CATSPERE: variants seen among roughly 807,000 people sequenced by gnomAD.
CATSPERE encodes cation channel sperm-associated auxiliary subunit epsilon.
CATSPERE carries 93 observed loss-of-function variants against 114.1 expected under a neutral mutation model. That is an observed-to-expected ratio of 0.81 (90% CI 0.69 to 0.97). The LOEUF (loss-of-function observed/expected upper bound fraction) is 0.97, where lower values mean the gene tolerates loss of function less well. Ranked by LOEUF, CATSPERE falls within the 50% of genes least tolerant of loss-of-function variation. The pLI, the probability that CATSPERE is intolerant of heterozygous loss-of-function variation, is 0.00. For missense variants in CATSPERE, 1,058 were observed against 1,131.6 expected, an observed-to-expected ratio of 0.93 and a Z score of 0.93; for synonymous variants, 341 against 384.1, an observed-to-expected ratio of 0.89 and a Z score of 1.31.
chr1:244,545,297 A>C (rs1162906566), intron 8 of CATSPERE, among the ~76,000 whole-genome samples: 1 of 152,192 alleles, frequency 6.6e-6, no homozygotes, highest in African/African-American at 2.4e-5. Context: ...AAAGAGGCAC[A>C]ATGCCTAATG....
chr1:244,550,430 ATGAT>A (rs1572700648), intron 8 of CATSPERE, among the ~76,000 whole-genome samples: 1 of 152,212 alleles, frequency 6.6e-6, no homozygotes, highest in Non-Finnish European at 1.5e-5. Context: ...TTGAAACAAA[ATGAT>A]TGATAAGGAA....
chr1:244,617,254 G>A (rs1473740983), intron 19 of CATSPERE, among the ~76,000 whole-genome samples: 1 of 152,070 alleles, frequency 6.6e-6, no homozygotes, highest in Non-Finnish European at 1.5e-5. Context: ...GGAACATTTT[G>A]TATTTTGTTG....
At chr1:244,528,101 C>T (rs1221006060) in intron 8 of CATSPERE, among the ~76,000 whole-genome samples, 3 of 152,218 alleles carry the variant, frequency 2.0e-5, no homozygotes, top group African/African-American at 7.2e-5. Context: ...CTGATGCTCT[C>T]CCTTTCCCCA....
chr1:244,510,401 G>T (rs199522787), intron 7 of CATSPERE, among the ~76,000 whole-genome samples: 3 of 152,142 alleles, frequency 2.0e-5, no homozygotes, highest in East Asian at 3.9e-4. Context: ...TTTCGTCCAT[G>T]TATTTTTATA....
At chr1:244,458,428 T>C (rs1464301988), upstream of CATSPERE, among the ~76,000 whole-genome samples, 1 of 151,988 alleles carries the variant, frequency 6.6e-6, no homozygotes, top group Non-Finnish European at 1.5e-5. Context: ...ACAGACATTT[T>C]GTCTTGCTTT....
intron 17 of CATSPERE, among the ~76,000 whole-genome samples, chr1:244,600,395 C>T (rs1191497303): frequency 6.8e-6 from 1 of 147,958 alleles, no homozygotes; most frequent in African/African-American, 2.5e-5. Context: ...GACTAGAAAA[C>T]TCTGCTAATG....
intron 17 of CATSPERE, among the ~76,000 whole-genome samples, chr1:244,595,724 G>T (rs900647475): frequency 6.6e-6 from 1 of 152,166 alleles, no homozygotes; most frequent in Non-Finnish European, 1.5e-5. Flanking sequence ...GAGGTCAGGA[G>T]ATCAAGACCA....
chr1:244,638,249 G>A (rs1023701044), intron 21 of CATSPERE, among the ~76,000 whole-genome samples: 7 of 152,296 alleles, frequency 4.6e-5, no homozygotes, highest in South Asian at 2.1e-4. Flanking sequence ...TCACTCTGCC[G>A]ATTAGTTCTC....
At chr1:244,514,833 A>AAC (rs1300711392) in intron 7 of CATSPERE, among the ~76,000 whole-genome samples, 4 of 148,972 alleles carry the variant, frequency 2.7e-5, no homozygotes, top group Non-Finnish European at 5.9e-5. Context: ...CATCTCAAAA[A>AAC]AAAAAAAAAA....
chr1:244,483,848 G>T (rs1035667181), intron 5 of CATSPERE, among the ~76,000 whole-genome samples: 1 of 152,016 alleles, frequency 6.6e-6, no homozygotes, highest in East Asian at 1.9e-4. Flanking sequence ...GTGGGTTTAT[G>T]CCTTTTAAAA....
intron 17 of CATSPERE, among the ~76,000 whole-genome samples, chr1:244,597,446 C>CA (rs1490276372): frequency 2.6e-5 from 4 of 151,984 alleles, no homozygotes; most frequent in African/African-American, 9.7e-5. Flanking sequence ...ATATTTTCTT[C>CA]ATCTGGCTTC....
intron 19 of CATSPERE, among the ~76,000 whole-genome samples, chr1:244,612,386 G>C (rs965423229): frequency 6.7e-6 from 1 of 149,800 alleles, no homozygotes; most frequent in African/African-American, 2.5e-5. Context: ...CTAGAAGGAT[G>C]AACGACACCT....
rs61291602 is a variant in CATSPERE, at chr1:244,557,532, CAT to C, written c.1030-3086_1030-3085del. 8.5e-3 allele frequency among the ~76,000 whole-genome samples: 342 copies of C among 40,390 alleles called. 2 individuals carry two copies. The highest frequency in any genetic ancestry group is 0.013 in the Non-Finnish European group (203 of 15,880). 26.5% of individuals were successfully genotyped at this position (40,390 alleles called of 152,430 possible). On this transcript the variant is annotated intron_variant, in intron 9 of 21. Transcript: ENST00000366534. ...TATATATAATTTTATTTGAAATATTCATATATATATATATATATATATATATA... is the reference window on the plus strand; with the variant it reads ...TATATATAATTTTATTTGAAATATTCATATATATATATATATATATATATA...
intron 2 of CATSPERE, among the ~76,000 whole-genome samples, chr1:244,474,853 C>T (rs995103658): frequency 2.0e-5 from 3 of 151,436 alleles, no homozygotes; most frequent in East Asian, 1.9e-4. Context: ...AAGCGATCCT[C>T]CCACCTCAGC....
intron 20 of CATSPERE, among the ~76,000 whole-genome samples, chr1:244,631,288 A>AC (rs1188663425): frequency 7.9e-5 from 5 of 63,098 alleles, no homozygotes; most frequent in South Asian, 6.4e-4. Flanking sequence ...CATCTCTAAA[A>AC]TAAAAAAAAG....
intron 17 of CATSPERE, among the ~76,000 whole-genome samples, chr1:244,593,913 T>C (rs1668045030): frequency 6.6e-6 from 1 of 152,198 alleles, no homozygotes; most frequent in Admixed American, 6.5e-5. Flanking sequence ...CCAGGTGATA[T>C]AACTTCTCTT....
At chr1:244,584,026 A>G in intron 13 of CATSPERE, 87 bp downstream of exon 13, 1 of 986,106 alleles carries the variant, frequency 1.0e-6, no homozygotes, top group Non-Finnish European at 1.6e-6. Context: ...ACCTCCGTAC[A>G]ATACCTCCAT....
At chr1:244,479,615 G>A (rs558322610) in intron 4 of CATSPERE, 102 bp from the exon 5 acceptor site, 4 of 547,288 alleles carry the variant, frequency 7.3e-6, no homozygotes, top group South Asian at 3.3e-5. Context: ...TCCTCTGATC[G>A]TGGATAAGTA....
rs558324080 is a variant in CATSPERE, at chr1:244,490,943, G to A, written c.351+472G>A. ...AATTTGTTATATAGTAAATACAGGTGGATCTAAACCACATAAAACAAAAGC... is the reference window on the plus strand; with the variant it reads ...AATTTGTTATATAGTAAATACAGGTAGATCTAAACCACATAAAACAAAAGC... On this transcript the variant is annotated intron_variant, in intron 6 of 21. Coordinates refer to ENST00000366534, the MANE Select transcript of CATSPERE (RefSeq NM_001130957.2). 9.2e-5 allele frequency among the ~76,000 whole-genome samples: 14 copies of A among 152,056 alleles called. No individual in the cohort carries two copies. In the East Asian group the frequency reaches 2.7e-3, roughly 29 times the overall value.
Sources: gnomAD v4.1 joint callset for allele counts (sites outside exome capture counted in the v4.1 genomes callset) on GRCh38, gnomAD v4.1.1 for gene constraint, MANE v1.5 for transcripts, NCBI Gene and HGNC (gene_info 2026-07-23, HGNC 2026-07-21) for gene names.